The following GRID2 variants were observed in gnomAD, a reference collection of about 807,000 sequenced individuals.
GRID2 encodes the protein glutamate receptor ionotropic, delta-2.
In GRID2, 33 loss-of-function variants were observed where a neutral mutation model predicts 114.8. The ratio of observed to expected loss-of-function variants is 0.29; its 90% confidence interval spans 0.22 to 0.38. GRID2 has a LOEUF of 0.38. Among genes scored for constraint, GRID2 ranks in the 10% least tolerant of loss-of-function variants. The pLI is 1.00. For missense variants in GRID2, 1,184 were observed against 1,257.7 expected (o/e 0.94, Z 0.89); for synonymous variants, 505 against 449.9 (o/e 1.12, Z -1.55).
rs79594559 is a variant in GRID2, at chr4:93,153,618, G to C, written c.735+42665G>C. ...CATTCCAGGCCGGGACATAGCATGAGTTTTCTCCCTTCAACAGATCCAGTG... is the reference window on the plus strand; with the variant it reads ...CATTCCAGGCCGGGACATAGCATGACTTTTCTCCCTTCAACAGATCCAGTG... On this transcript the variant is annotated intron_variant, in intron 4 of 15. Transcript: ENST00000282020. Among the ~76,000 whole-genome samples, 3 of 152,140 alleles carry C rather than the reference G, an allele frequency of 2.0e-5. No individual in the cohort carries two copies. The East Asian group carries it at 5.8e-4, about 30-fold the overall frequency.
intron 13 of GRID2, among the ~76,000 whole-genome samples, chr4:93,545,089 TCTC>T (rs1733080199): frequency 6.6e-6 from 1 of 152,112 alleles, no homozygotes; most frequent in Admixed American, 6.6e-5. Context: ...TTAAGCACCT[TCTC>T]CTTGTCAGAC....
intron 8 of GRID2, among the ~76,000 whole-genome samples, chr4:93,278,243 G>T (rs1436892402): frequency 6.8e-6 from 1 of 146,470 alleles, no homozygotes; most frequent in Non-Finnish European, 1.5e-5. Flanking sequence ...GGATAATTTG[G>T]CTTTGAAGAA....
At chr4:93,002,905 G>A (rs1721151068) in intron 2 of GRID2, among the ~76,000 whole-genome samples, 1 of 151,672 alleles carries the variant, frequency 6.6e-6, no homozygotes, top group African/African-American at 2.4e-5. Context: ...GAGGTCACCT[G>A]CCTTCCTTGT....
chr4:92,990,766 A>C (rs1356412350), intron 2 of GRID2, among the ~76,000 whole-genome samples: 1 of 152,190 alleles, frequency 6.6e-6, no homozygotes, highest in Non-Finnish European at 1.5e-5. Flanking sequence ...GAAAGAACAA[A>C]AGATGACAGC....
chr4:92,898,517 C>G (rs1747333418), intron 2 of GRID2, among the ~76,000 whole-genome samples: 1 of 152,076 alleles, frequency 6.6e-6, no homozygotes, highest in Admixed American at 6.6e-5. Context: ...GCTTAAAACC[C>G]TGAGCTGTTA....
intron 2 of GRID2, among the ~76,000 whole-genome samples, chr4:92,844,287 C>T (rs1743130284): frequency 1.3e-5 from 2 of 151,978 alleles, no homozygotes; most frequent in South Asian, 2.1e-4. Flanking sequence ...CACCTGTAAT[C>T]CCAGCATTTT....
chr4:92,643,081 C>T (rs1484851675), intron 2 of GRID2, among the ~76,000 whole-genome samples: 2 of 151,504 alleles, frequency 1.3e-5, no homozygotes, highest in South Asian at 2.1e-4. Flanking sequence ...GTTATTTGTG[C>T]TCTTTTTTGG....
intron 1 of GRID2, among the ~76,000 whole-genome samples, chr4:92,401,480 G>A (rs1730786128): frequency 1.3e-5 from 2 of 151,996 alleles, no homozygotes; most frequent in Admixed American, 6.6e-5. Context: ...GAGATATCAT[G>A]GGTTTAGTTT....
At chr4:93,753,920 G>A (rs979042491) in intron 14 of GRID2, among the ~76,000 whole-genome samples, 1 of 152,158 alleles carries the variant, frequency 6.6e-6, no homozygotes. Context: ...GGATCACTTA[G>A]TGATGGGGAT....
chr4:92,547,305 A>G lies in GRID2; in HGVS notation c.89-42826A>G, dbSNP rs72882146. The stretch of plus-strand genomic sequence containing the variant: ...GCTTACCTTACTGAAGATACACTTT[A>G]GACATAGAATTATAATAGTTCTTGT... On this transcript the variant is annotated intron_variant, in intron 1 of 15. Coordinates refer to ENST00000282020, the MANE Select transcript of GRID2 (RefSeq NM_001510.4). Among the ~76,000 whole-genome samples, 908 of 152,298 alleles carry G rather than the reference A, an allele frequency of 6.0e-3. 8 individuals are homozygous for G. The highest frequency in any genetic ancestry group is 0.021 in the African/African-American group (866 of 41,574).
At chr4:92,513,318 A>G (rs749692494) in intron 1 of GRID2, among the ~76,000 whole-genome samples, 1 of 151,850 alleles carries the variant, frequency 6.6e-6, no homozygotes, top group Non-Finnish European at 1.5e-5. Flanking sequence ...CTAGAGAATG[A>G]AAAATTTTGG....
intron 2 of GRID2, among the ~76,000 whole-genome samples, chr4:92,883,612 T>A (rs1018368108): frequency 3.3e-5 from 5 of 152,188 alleles, no homozygotes; most frequent in African/African-American, 1.2e-4. Flanking sequence ...ACTCCTTGAT[T>A]CATAGCTCGT....
chr4:92,712,652 C>T lies in GRID2; in HGVS notation c.244+122366C>T, dbSNP rs1735312601. On this transcript the variant is annotated intron_variant, in intron 2 of 15. Transcript: ENST00000282020. ...AATACATCTTTCAAATAATACATTA[C>T]AGAATTTGCTAATATTGCTATAGTT... Among the ~76,000 whole-genome samples, 7 of 152,126 alleles carry T rather than the reference C, an allele frequency of 4.6e-5. No individual in the cohort carries two copies. The South Asian group carries it at 1.5e-3, about 32-fold the overall frequency.
intron 1 of GRID2, among the ~76,000 whole-genome samples, chr4:92,574,936 C>T (rs937670333): frequency 6.6e-6 from 1 of 152,122 alleles, no homozygotes; most frequent in Admixed American, 6.5e-5. Flanking sequence ...TTTCCATTAT[C>T]TTTATCTCTT....
intron 13 of GRID2, among the ~76,000 whole-genome samples, chr4:93,585,201 C>A (rs1017298799): frequency 2.0e-5 from 3 of 152,076 alleles, no homozygotes; most frequent in African/African-American, 4.8e-5. Context: ...ATCATACTGG[C>A]AAACCTGTGT....
intron 12 of GRID2, among the ~76,000 whole-genome samples, chr4:93,512,141 G>A (rs1560699057): frequency 6.6e-6 from 1 of 152,004 alleles, no homozygotes; most frequent in African/African-American, 2.4e-5. Flanking sequence ...AAAAAGAAAT[G>A]TCTGTATTTG....
rs567067377 is a variant in GRID2, at chr4:93,051,898, T to G, written c.245-33097T>G. Among the ~76,000 whole-genome samples the G allele has an allele frequency of 2.5e-4, 38 of 152,058 alleles. No individual in the cohort carries two copies. In the South Asian group the frequency reaches 7.5e-3, roughly 30 times the overall value. On this transcript the variant is annotated intron_variant, in intron 2 of 15. Transcript: ENST00000282020. ...TGTCCAGTTTTTTTTTCTATCTCAT[T>G]ATTTTGTAGGTAGTGTTTTTGCTTT...
intron 2 of GRID2, among the ~76,000 whole-genome samples, chr4:92,690,967 T>C (rs1734154233): frequency 6.6e-6 from 1 of 152,128 alleles, no homozygotes; most frequent in East Asian, 1.9e-4. Context: ...TTTAGAATGA[T>C]GAAAAGAGAG....
rs181512426 is a variant in GRID2, at chr4:92,933,806, A to G, written c.245-151189A>G. Among the ~76,000 whole-genome samples, 5 of 151,688 alleles carry G rather than the reference A, an allele frequency of 3.3e-5. No homozygotes were observed. In the East Asian group the frequency reaches 7.8e-4, roughly 24 times the overall value. Reference sequence around the variant, plus strand: ...TTCTTTTCCTTGCTGTTTTCTAATTATTTTATCTTTGATTATGCTTCAAAA... The same window carrying G: ...TTCTTTTCCTTGCTGTTTTCTAATTGTTTTATCTTTGATTATGCTTCAAAA... On this transcript the variant is annotated intron_variant, in intron 2 of 15. Transcript: ENST00000282020.
Sources: allele counts gnomAD v4.1 joint callset (sites outside exome capture counted in the v4.1 genomes callset), GRCh38; gene constraint gnomAD v4.1.1; transcripts MANE v1.5; gene names NCBI Gene and HGNC (gene_info 2026-07-23, HGNC 2026-07-21).